The following ENOX1 variants were observed in gnomAD, a reference collection of about 807,000 sequenced individuals.
ENOX1 encodes the protein candidate growth-related and time keeping constitutive hydroquinone (NADH) oxidase.
In ENOX1, 42 loss-of-function variants were observed where a neutral mutation model predicts 82.5. That is an observed-to-expected ratio of 0.51 (90% CI 0.40 to 0.66). The LOEUF (loss-of-function observed/expected upper bound fraction) is 0.66. Ranked by LOEUF, ENOX1 falls within the 30% of genes least tolerant of loss-of-function variation. The pLI is 0.00. For synonymous variants in ENOX1, 271 were observed against 282.2 expected (o/e 0.96, Z 0.40); for missense variants, 608 against 811.6 (o/e 0.75, Z 3.05).
intron 8 of ENOX1, 115 bp downstream of exon 8, chr13:43,355,804 T>C (rs1190704791): frequency 9.4e-7 from 1 of 1,064,942 alleles, no homozygotes; most frequent in Non-Finnish European, 1.4e-6. Flanking sequence ...ACAGCCTTCT[T>C]AAGGCATAGC....
At position 43,763,792 on chromosome 13, in the gene ENOX1, C is replaced by G. The variant is rs139247973; in HGVS notation, c.-285+22860G>C. The stretch of plus-strand genomic sequence containing the variant: ...AAAGTAAGCAATTAGCAATTTTGAG[C>G]TAAAGAAAACATTACTGAAAATGTT... On this transcript the variant is annotated intron_variant, in intron 1 of 16. Coordinates refer to ENST00000690772, the MANE Select transcript of ENOX1 (RefSeq NM_001347969.2). Among the ~76,000 whole-genome samples the G allele has an allele frequency of 6.1e-3, 929 of 152,252 alleles. 9 individuals are homozygous for G. Among genetic ancestry groups the G allele is most frequent in the African/African-American group, 0.021 (883 of 41,556 alleles).
intron 3 of ENOX1, among the ~76,000 whole-genome samples, chr13:43,445,192 C>T (rs1275200754): frequency 5.4e-5 from 8 of 148,912 alleles, no homozygotes; most frequent in African/African-American, 9.9e-5. Flanking sequence ...GGCACGATCT[C>T]GGCTCACTGC....
chr13:43,552,935 A>C (rs2079269156), intron 2 of ENOX1, among the ~76,000 whole-genome samples: 1 of 152,206 alleles, frequency 6.6e-6, no homozygotes, highest in Non-Finnish European at 1.5e-5. Context: ...AATTAATTTA[A>C]GGATATTGCT....
chr13:43,625,764 T>C lies in ENOX1; in HGVS notation c.-219+41715A>G, dbSNP rs763093807. Among the ~76,000 whole-genome samples, 48 of 151,980 alleles carry C rather than the reference T, an allele frequency of 3.2e-4. 2 individuals carry two copies. The highest frequency in any genetic ancestry group is 2.0e-4 in the Admixed American group (3 of 15,260). On this transcript the variant is annotated intron_variant, in intron 2 of 16. Coordinates refer to ENST00000690772, the MANE Select transcript of ENOX1 (RefSeq NM_001347969.2). ...TTTGCTAATATTTGCTAAGTATTTT[T>C]ACTTCTCTATTTATGATTGATACTG...
intron 2 of ENOX1, among the ~76,000 whole-genome samples, chr13:43,654,982 G>A (rs764669097): frequency 2.6e-5 from 4 of 152,110 alleles, no homozygotes; most frequent in Non-Finnish European, 5.9e-5. Context: ...GCCTTTTCAT[G>A]AAGTATCTCA....
chr13:43,315,671 G>A (rs1206262211), intron 11 of ENOX1, among the ~76,000 whole-genome samples: 1 of 152,132 alleles, frequency 6.6e-6, no homozygotes, highest in African/African-American at 2.4e-5. Context: ...TCGATAAAAT[G>A]ACACTAAAAT....
intron 8 of ENOX1, among the ~76,000 whole-genome samples, chr13:43,351,576 C>T (rs548473173): frequency 8.8e-6 from 1 of 113,390 alleles, no homozygotes; most frequent in Non-Finnish European, 1.8e-5. Context: ...TCCCTCCCCC[C>T]TCCCCCCACC....
chr13:43,511,991 T>G (rs149590868), intron 2 of ENOX1, among the ~76,000 whole-genome samples: 4 of 152,132 alleles, frequency 2.6e-5, no homozygotes, highest in Non-Finnish European at 4.4e-5. Flanking sequence ...GGACAATATA[T>G]ATAGTATCTA....
chr13:43,760,107 T>C (rs1160141482), intron 1 of ENOX1, among the ~76,000 whole-genome samples: 2 of 152,186 alleles, frequency 1.3e-5, no homozygotes, highest in Non-Finnish European at 2.9e-5. Context: ...CTCTTCCCTA[T>C]AGGAATACAC....
intron 2 of ENOX1, among the ~76,000 whole-genome samples, chr13:43,538,754 T>C (rs772067212): frequency 2.0e-5 from 3 of 152,234 alleles, no homozygotes; most frequent in Non-Finnish European, 2.9e-5. Context: ...GCTATAGTTT[T>C]AGTCTCTTCT....
intron 2 of ENOX1, among the ~76,000 whole-genome samples, chr13:43,627,159 A>G (rs986007198): frequency 3.3e-5 from 5 of 151,890 alleles, no homozygotes; most frequent in Non-Finnish European, 7.4e-5. Context: ...TTTATTTTCA[A>G]TGTGCATATG....
At chr13:43,664,977 C>T (rs1364651938) in intron 2 of ENOX1, among the ~76,000 whole-genome samples, 1 of 152,204 alleles carries the variant, frequency 6.6e-6, no homozygotes, top group Non-Finnish European at 1.5e-5. Flanking sequence ...CAGCCCCACC[C>T]CCAGGAACAC....
intron 13 of ENOX1, 44 bp downstream of exon 13, chr13:43,269,426 G>A (rs2044563133): frequency 1.4e-6 from 2 of 1,432,864 alleles, no homozygotes; most frequent in Non-Finnish European, 2.0e-6. Flanking sequence ...ATGCAATGGG[G>A]TGTTTGGACT....
At chr13:43,253,464 C>T (rs1347592026) in intron 14 of ENOX1, among the ~76,000 whole-genome samples, 3 of 152,188 alleles carry the variant, frequency 2.0e-5, no homozygotes, top group Non-Finnish European at 4.4e-5. Flanking sequence ...CAGAACCATC[C>T]TGGGAGAGCT....
Position 43,365,845 on chromosome 13 carries a change from A to G in ENOX1, c.209-4393T>C, listed in dbSNP as rs142713245. Among the ~76,000 whole-genome samples the G allele has an allele frequency of 9.9e-3, 1,510 of 152,286 alleles. 18 individuals carry two copies. The highest frequency in any genetic ancestry group is 0.015 in the Non-Finnish European group (993 of 68,008). On this transcript the variant is annotated intron_variant, in intron 5 of 16. Coordinates refer to ENST00000690772, the MANE Select transcript of ENOX1 (RefSeq NM_001347969.2). Reference sequence around the variant, plus strand: ...CTTCCTCCCGCCTGACGCCAGATGGACCCTCAAGTCCAGGGACAGAGTAAG... The same window carrying G: ...CTTCCTCCCGCCTGACGCCAGATGGGCCCTCAAGTCCAGGGACAGAGTAAG...
chr13:43,692,951 C>T (rs1416793506), intron 1 of ENOX1, among the ~76,000 whole-genome samples: 2 of 152,044 alleles, frequency 1.3e-5, no homozygotes, highest in Non-Finnish European at 2.9e-5. Context: ...ATTATAGTAG[C>T]TCTTTATATT....
At chr13:43,659,446 C>T (rs555283558) in intron 2 of ENOX1, among the ~76,000 whole-genome samples, 4 of 151,868 alleles carry the variant, frequency 2.6e-5, no homozygotes, top group Admixed American at 1.3e-4. Flanking sequence ...GCCGAGATCA[C>T]GCCACTGTAC....
chr13:43,556,282 T>C (rs2079432728), intron 2 of ENOX1, among the ~76,000 whole-genome samples: 1 of 151,960 alleles, frequency 6.6e-6, no homozygotes, highest in South Asian at 2.1e-4. Context: ...TTCTAATATG[T>C]AGTAAAAGAC....
intron 5 of ENOX1, among the ~76,000 whole-genome samples, chr13:43,407,692 G>C (rs1594390366): frequency 6.6e-6 from 1 of 152,154 alleles, no homozygotes; most frequent in East Asian, 1.9e-4. Flanking sequence ...TACAAAGAAA[G>C]CAATTTATCT....
Sources: allele counts gnomAD v4.1 joint callset (sites outside exome capture counted in the v4.1 genomes callset), GRCh38; gene constraint gnomAD v4.1.1; transcripts MANE v1.5; gene names NCBI Gene and HGNC (gene_info 2026-07-23, HGNC 2026-07-21).